The following DSCAML1 variants were observed in gnomAD, a reference collection of about 807,000 sequenced individuals.
The protein encoded by DSCAML1 is cell adhesion molecule DSCAML1.
Under a neutral mutation model 200.5 loss-of-function variants are expected in DSCAML1, and 38 were observed. The observed-to-expected ratio is 0.19, with a 90% CI of 0.15 to 0.25. The LOEUF (loss-of-function observed/expected upper bound fraction) is 0.25. Among genes scored for constraint, DSCAML1 ranks in the 10% least tolerant of loss-of-function variants. The pLI, the probability that DSCAML1 is intolerant of heterozygous loss-of-function variation, is 1.00. For synonymous variants in DSCAML1, 1,215 were observed against 1,165.0 expected, an observed-to-expected ratio of 1.04 and a Z score of -0.87; for missense variants, 2,223 against 2,858.8, an observed-to-expected ratio of 0.78 and a Z score of 5.07.
At chr11:117,626,665 GCTCT>G (rs965273606) in intron 3 of DSCAML1, among the ~76,000 whole-genome samples, 12 of 152,138 alleles carry the variant, frequency 7.9e-5, no homozygotes, top group African/African-American at 2.9e-4. Context: ...CCAAACAAGC[GCTCT>G]CTATGCAGGA....
At chr11:117,554,732 G>T (rs1386780391) in intron 3 of DSCAML1, among the ~76,000 whole-genome samples, 5 of 152,272 alleles carry the variant, frequency 3.3e-5, no homozygotes, top group African/African-American at 1.2e-4. Flanking sequence ...GGAAAGTGAG[G>T]CTCAGAAGTG....
intron 19 of DSCAML1, among the ~76,000 whole-genome samples, chr11:117,455,367 TCAA>T (rs1296733230): frequency 6.6e-6 from 1 of 152,220 alleles, no homozygotes; most frequent in Non-Finnish European, 1.5e-5. Context: ...TTGCCTGCCA[TCAA>T]CAAGAATTAC....
upstream of DSCAML1, chr11:117,797,345 G>A (rs112872285): frequency 8.6e-7 from 1 of 1,166,864 alleles, no homozygotes; most frequent in Non-Finnish European, 1.1e-6. Flanking sequence ...GAGCCCAGAC[G>A]GACCCCAGCC....
At position 117,555,921 on chromosome 11, in the gene DSCAML1, G is replaced by A. The variant is rs149835442; in HGVS notation, c.512-23399C>T. On this transcript the variant is annotated intron_variant, in intron 3 of 32. Coordinates refer to ENST00000651296, the MANE Select transcript of DSCAML1 (RefSeq NM_020693.4). ...AGGTTGGCAGCAGGAAGCCAGGGGG[G>A]AGCTTATTCCAAGGGTCCTTGAGGA... is the stretch of plus-strand genomic sequence containing the variant. Among the ~76,000 whole-genome samples, 54 of 149,156 alleles carry A rather than the reference G, an allele frequency of 3.6e-4. 1 individual carries two copies. In the East Asian group the frequency reaches 0.011, roughly 30 times the overall value.
chr11:117,577,120 T>C (rs2050946720), intron 3 of DSCAML1, among the ~76,000 whole-genome samples: 1 of 152,206 alleles, frequency 6.6e-6, no homozygotes, highest in Admixed American at 6.5e-5. Context: ...CATAGGTCCC[T>C]GGTACTGGTG....
In DSCAML1 at chr11:117,780,776, A is replaced by G. The variant is rs1318910610; in HGVS notation, c.81T>C (p.Phe27=). The change falls in exon 2 of 33, where the codon TTT becomes TTC. Residue 27 remains phenylalanine (F), a synonymous_variant. Coordinates refer to ENST00000651296, the MANE Select transcript of DSCAML1 (RefSeq NM_020693.4). The surrounding 1 kb of genome is among the most constrained non-coding windows in gnomAD (Gnocchi z 4.8). ...RPEDVGTSLY[F]VNDSLQQVTF... ...TCACCTGCTGCAAGGAGTCATTTAC[A>G]AAGTAGAGGCTGGTGCCAACATCTT... 1 of 1,500,868 alleles carries G rather than the reference A, an allele frequency of 6.7e-7. No individual in the cohort carries two copies. The highest frequency in any genetic ancestry group is 1.3e-5 in the South Asian group (1 of 75,592). The allele number at this position is 1,500,868 out of a possible 1,614,324, so 93.0% of individuals were successfully genotyped here.
At chr11:117,537,539 T>C (rs1305336741) in intron 3 of DSCAML1, among the ~76,000 whole-genome samples, 1 of 152,170 alleles carries the variant, frequency 6.6e-6, no homozygotes, top group Non-Finnish European at 1.5e-5. Flanking sequence ...GGGTGTATCC[T>C]GGGTTGAATA....
At chr11:117,606,306 G>C (rs1244991257) in intron 3 of DSCAML1, among the ~76,000 whole-genome samples, 1 of 152,162 alleles carries the variant, frequency 6.6e-6, no homozygotes, top group Non-Finnish European at 1.5e-5. Flanking sequence ...CATGGCCCTG[G>C]AGAAATTTAC....
intron 3 of DSCAML1, among the ~76,000 whole-genome samples, chr11:117,579,656 A>T (rs546536975): frequency 6.6e-6 from 1 of 152,316 alleles, no homozygotes; most frequent in East Asian, 1.9e-4. Context: ...GTTCGTGACG[A>T]TATTTTTCTG....
chr11:117,676,070 A>G (rs2053206884), intron 3 of DSCAML1, among the ~76,000 whole-genome samples: 2 of 152,278 alleles, frequency 1.3e-5, no homozygotes, highest in East Asian at 3.9e-4. Flanking sequence ...TCTCATAAAA[A>G]GTTTATCATG....
Position 117,471,996 on chromosome 11 carries a change from G to C in DSCAML1, c.2826C>G (p.Pro942=). ...DFKQSTRNIS[P]TINQANIVDL... ...CCACAATGTTGGCCTGGTTGATGGT[G>C]GGGGAGATGTTGCGTGTGGACTGCT... The change falls in exon 15 of 33, where the codon CCC becomes CCG. Residue 942 remains proline (P), a synonymous_variant. Transcript: ENST00000651296. The C allele has an allele frequency of 2.5e-6, 4 of 1,614,112 alleles. No individual in the cohort carries two copies. The highest frequency in any genetic ancestry group is 1.1e-5 in the South Asian group (1 of 91,058).
At chr11:117,647,660 G>A (rs1274219864) in intron 3 of DSCAML1, among the ~76,000 whole-genome samples, 3 of 152,220 alleles carry the variant, frequency 2.0e-5, no homozygotes, top group African/African-American at 7.2e-5. Flanking sequence ...ATGGAGAAAG[G>A]GAAGGGGGAT....
chr11:117,743,152 A>G (rs967626913), intron 3 of DSCAML1, among the ~76,000 whole-genome samples: 8 of 152,198 alleles, frequency 5.3e-5, no homozygotes, highest in African/African-American at 1.9e-4. Context: ...AGGCACTTCT[A>G]GTCCATAGGG....
In DSCAML1 at chr11:117,797,146, C is replaced by T; in HGVS notation, c.-67G>A. ...CCGGCCGTGCGGCAGCGCCTCTCCC[C>T]CGCTCAGCGCGCTCCCAGCCGCCCG... On this transcript the variant is annotated 5_prime_UTR_variant, in exon 1 of 33. Coordinates refer to ENST00000651296, the MANE Select transcript of DSCAML1 (RefSeq NM_020693.4). 1 of 1,589,942 alleles carries T rather than the reference C, an allele frequency of 6.3e-7. No homozygotes were observed. Among genetic ancestry groups the T allele is most frequent in the Non-Finnish European group, 8.6e-7 (1 of 1,169,432 alleles).
At chr11:117,669,055 G>T (rs918194834) in intron 3 of DSCAML1, among the ~76,000 whole-genome samples, 6 of 152,180 alleles carry the variant, frequency 3.9e-5, no homozygotes, top group Non-Finnish European at 7.4e-5. Flanking sequence ...CCACTCCTAT[G>T]AATATATTTG....
rs569143739 is a variant in DSCAML1, at chr11:117,630,872, T to C, written c.512-98350A>G. Among the ~76,000 whole-genome samples, 5 of 152,184 alleles carry C rather than the reference T, an allele frequency of 3.3e-5. No homozygotes were observed. In the South Asian group the frequency reaches 1.0e-3, roughly 32 times the overall value. On this transcript the variant is annotated intron_variant, in intron 3 of 32. Transcript: ENST00000651296. ...CCGGCTCCGATACCCTTCCTAAATG[T>C]GTGACCTCAGCAGGTCGCATGAACT...
rs762329735 is a variant in DSCAML1, at chr11:117,780,231, G to GGAAA, written c.364+258_364+261dup. Among the ~76,000 whole-genome samples, 1,855 of 60,506 alleles carry GGAAA rather than the reference G, an allele frequency of 0.031. 73 individuals are homozygous for GGAAA. Among genetic ancestry groups the GGAAA allele is most frequent in the African/African-American group, 0.046 (694 of 15,198 alleles). The allele number at this position is 60,506 out of a possible 152,430, so 39.7% of individuals were successfully genotyped here. ...AAAGAGAGAGAGAGAAAGAAAGAAA[G>GGAAA]GAAAGAAAGAAAGAAAGAAAGAAAG... On this transcript the variant is annotated intron_variant, in intron 2 of 32. Coordinates refer to ENST00000651296, the MANE Select transcript of DSCAML1 (RefSeq NM_020693.4). The surrounding 1 kb of genome is among the most constrained non-coding windows in gnomAD (Gnocchi z 4.8).
intron 4 of DSCAML1, among the ~76,000 whole-genome samples, chr11:117,525,606 C>T (rs1001072568): frequency 1.3e-5 from 2 of 152,082 alleles, no homozygotes; most frequent in Admixed American, 6.5e-5. Flanking sequence ...CCTACAGGCA[C>T]GCACCACCAC....
At chr11:117,778,203 G>T (rs1049554118) in intron 2 of DSCAML1, among the ~76,000 whole-genome samples, 1 of 152,218 alleles carries the variant, frequency 6.6e-6, no homozygotes, top group Non-Finnish European at 1.5e-5. Context: ...GGTTGAGGTG[G>T]AAGAAAGAGA....
Sources: gnomAD v4.1 joint callset for allele counts (sites outside exome capture counted in the v4.1 genomes callset) on GRCh38, gnomAD v4.1.1 for gene constraint, Gnocchi (gnomAD v3.1) non-coding constraint, MANE v1.5 for transcripts, NCBI Gene and HGNC (gene_info 2026-07-23, HGNC 2026-07-21) for gene names.